The following TIMP2 variants were observed in gnomAD, a reference collection of about 807,000 sequenced individuals.
The protein encoded by TIMP2 is TIMP metallopeptidase inhibitor 2.
TIMP2 carries 5 observed loss-of-function variants against 24.3 expected under a neutral mutation model. The observed-to-expected ratio is 0.21, with a 90% confidence interval of 0.11 to 0.43. The LOEUF is 0.43. Among genes scored for constraint, TIMP2 ranks in the 20% least tolerant of loss-of-function variants. The pLI is 1.00. For missense variants in TIMP2, 221 were observed against 297.5 expected, an observed-to-expected ratio of 0.74 and a Z score of 1.89; for synonymous variants, 130 against 123.2, an observed-to-expected ratio of 1.06 and a Z score of -0.37.
At chr17:78,880,364 T>C (rs188781820) in intron 1 of TIMP2, among the ~76,000 whole-genome samples, 161 of 152,148 alleles carry the variant, frequency 1.1e-3, no homozygotes, top group Non-Finnish European at 1.6e-3. Context: ...ATGCCCACAA[T>C]TGGGGGAGGG....
chr17:78,884,764 A>G (rs1353764811), intron 1 of TIMP2, among the ~76,000 whole-genome samples: 2 of 152,164 alleles, frequency 1.3e-5, no homozygotes, highest in African/African-American at 2.4e-5. Flanking sequence ...AGATCTCGAT[A>G]TAACCCCCTT....
chr17:78,902,092 G>A (rs1379400252), intron 1 of TIMP2, among the ~76,000 whole-genome samples: 2 of 152,178 alleles, frequency 1.3e-5, no homozygotes, highest in Non-Finnish European at 2.9e-5. Context: ...TCCCAGTGGT[G>A]GCGGGGGGAC....
intron 1 of TIMP2, among the ~76,000 whole-genome samples, chr17:78,876,398 C>T (rs974897659): frequency 3.3e-5 from 5 of 152,134 alleles, no homozygotes; most frequent in African/African-American, 4.8e-5. Context: ...CATCCCCACC[C>T]CTGCTAGGCT....
rs185170097 is a variant in TIMP2, at chr17:78,861,114, T to A, written c.341-3468A>T. 3.2e-4 allele frequency among the ~76,000 whole-genome samples: 48 copies of A among 152,008 alleles called. 1 individual carries two copies. In the East Asian group the frequency reaches 8.7e-3, roughly 28 times the overall value. On this transcript the variant is annotated intron_variant, in intron 3 of 4. Coordinates refer to ENST00000262768, the MANE Select transcript of TIMP2 (RefSeq NM_003255.5). The stretch of plus-strand genomic sequence containing the variant: ...CTATTTTCTGTGAGTTCAGAATAGA[T>A]CAGGAAGGAGCAAAACAGACAGATG...
chr17:78,867,013 C>A (rs1165099710), intron 3 of TIMP2, among the ~76,000 whole-genome samples: 2 of 152,190 alleles, frequency 1.3e-5, no homozygotes, highest in Non-Finnish European at 2.9e-5. Context: ...GTAATCCCAG[C>A]ACTTTGGAAG....
intron 4 of TIMP2, 48 bp downstream of exon 4, chr17:78,857,474 G>A: frequency 6.2e-7 from 1 of 1,612,466 alleles, no homozygotes; most frequent in Non-Finnish European, 8.5e-7. Context: ...CGTCCATCTG[G>A]AGACACTGGG....
At chr17:78,865,208 T>TAAA (rs1012965493) in intron 3 of TIMP2, among the ~76,000 whole-genome samples, 3 of 152,010 alleles carry the variant, frequency 2.0e-5, no homozygotes, top group Admixed American at 6.6e-5. Flanking sequence ...AGTAGAAAGG[T>TAAA]GGTTGTCAGG....
At chr17:78,903,690 C>A (rs1040117173) in intron 1 of TIMP2, among the ~76,000 whole-genome samples, 1 of 152,130 alleles carries the variant, frequency 6.6e-6, no homozygotes, top group Non-Finnish European at 1.5e-5. Context: ...AGAAGCCACA[C>A]GTACTTGGCC....
intron 1 of TIMP2, among the ~76,000 whole-genome samples, chr17:78,895,765 A>G (rs760923349): frequency 6.6e-6 from 1 of 152,140 alleles, no homozygotes; most frequent in Non-Finnish European, 1.5e-5. Flanking sequence ...GGGATGTCCA[A>G]TTAGGTGTGG....
chr17:78,889,002 T>G (rs947549943), intron 1 of TIMP2, among the ~76,000 whole-genome samples: 5 of 152,138 alleles, frequency 3.3e-5, no homozygotes, highest in Non-Finnish European at 7.4e-5. Flanking sequence ...AGTACAGGGA[T>G]CAGCAAACTA....
intron 3 of TIMP2, among the ~76,000 whole-genome samples, chr17:78,858,344 G>A (rs535693266): frequency 2.0e-5 from 3 of 152,084 alleles, no homozygotes; most frequent in East Asian, 3.9e-4. Context: ...TCAGGAGGCT[G>A]AGGTAGGAGA....
chr17:78,880,978 C>T (rs191309701), intron 1 of TIMP2, among the ~76,000 whole-genome samples: 7 of 152,382 alleles, frequency 4.6e-5, no homozygotes, highest in Admixed American at 2.6e-4. Context: ...GCGCCTGTCT[C>T]GGCTACGGGA....
chr17:78,857,591 G>A lies in TIMP2; in HGVS notation c.396C>T (p.Pro132=), dbSNP rs763588015. The change falls in exon 4 of 5, where the codon CCC becomes CCT. Residue 132 remains proline (P), a synonymous_variant. Coordinates refer to ENST00000262768, the MANE Select transcript of TIMP2 (RefSeq NM_003255.5). ...TCTGGGTGGTGCTCAGGGTGTCCCA[G>A]GGCACGATGAAGTCACAGAGGGTGA... The part of the protein sequence containing the change: ...MHITLCDFIV[P]WDTLSTTQKK... 5.6e-6 allele frequency: 9 copies of A among 1,614,194 alleles called. No individual in the cohort carries two copies. The highest frequency in any genetic ancestry group is 7.6e-6 in the Non-Finnish European group (9 of 1,180,028).
chr17:78,890,634 G>A (rs751105532), intron 1 of TIMP2: 42 of 1,547,336 alleles, frequency 2.7e-5, no homozygotes, highest in South Asian at 1.1e-4. Flanking sequence ...TGGGCCTCTC[G>A]CATTTAGCAT....
intron 2 of TIMP2, 63 bp downstream of exon 2, chr17:78,873,756 C>T (rs1263621989): frequency 5.6e-6 from 8 of 1,436,466 alleles, no homozygotes; most frequent in South Asian, 2.3e-5. Flanking sequence ...AGGCTCTCTG[C>T]CAACCCCAAC....
chr17:78,861,547 C>T (rs2069567073), intron 3 of TIMP2, among the ~76,000 whole-genome samples: 1 of 152,086 alleles, frequency 6.6e-6, no homozygotes, highest in South Asian at 2.1e-4. Context: ...CCAATTCTGG[C>T]TTCCTCAGGA....
Position 78,891,193 on chromosome 17 carries a change from G to C in TIMP2, c.131-17274C>G. On this transcript the variant is annotated intron_variant, in intron 1 of 4. Transcript: ENST00000262768. The surrounding 1 kb of genome is among the most constrained non-coding windows in gnomAD (Gnocchi z 4.5). ...CATTTCTAAACGTGGGCTTGACCGTGCCCTGATATTTTTGGTTCTGGGCCT... is the reference window on the plus strand; with the variant it reads ...CATTTCTAAACGTGGGCTTGACCGTCCCCTGATATTTTTGGTTCTGGGCCT... 9 of 1,550,670 alleles carry C rather than the reference G, an allele frequency of 5.8e-6. No homozygotes were observed. The highest frequency in any genetic ancestry group is 7.8e-6 in the Non-Finnish European group (9 of 1,147,022).
At chr17:78,922,991 C>A (rs2070319177) in intron 1 of TIMP2, among the ~76,000 whole-genome samples, 1 of 152,104 alleles carries the variant, frequency 6.6e-6, no homozygotes, top group African/African-American at 2.4e-5. Context: ...AGACTTCTGG[C>A]CTCCTGAGCT....
At chr17:78,910,240 TAG>T (rs2070195861) in intron 1 of TIMP2, among the ~76,000 whole-genome samples, 1 of 151,862 alleles carries the variant, frequency 6.6e-6, no homozygotes, top group Admixed American at 6.6e-5. Flanking sequence ...TAGCCCAGGC[TAG>T]AGTGTGGTGG....
Sources: gnomAD v4.1 joint callset for allele counts (sites outside exome capture counted in the v4.1 genomes callset) on GRCh38, gnomAD v4.1.1 for gene constraint, Gnocchi (gnomAD v3.1) non-coding constraint, MANE v1.5 for transcripts, NCBI Gene and HGNC (gene_info 2026-07-23, HGNC 2026-07-21) for gene names.